The following ADAM29 variants were observed in gnomAD, a reference collection of about 807,000 sequenced individuals.
ADAM29 encodes the protein ADAM metallopeptidase domain 29.
For synonymous variants in ADAM29, 367 were observed against 342.3 expected, an observed-to-expected ratio of 1.07 and a Z score of -0.80; for missense variants, 969 against 1,001.8, an observed-to-expected ratio of 0.97 and a Z score of 0.44.
intron 4 of ADAM29, among the ~76,000 whole-genome samples, chr4:174,951,701 G>A (rs1745184497): frequency 6.6e-6 from 1 of 152,076 alleles, no homozygotes; most frequent in African/African-American, 2.4e-5. Context: ...ATTAGCTGAG[G>A]GGTTCTGAAA....
chr4:174,968,045 T>G (rs1746251108), intron 4 of ADAM29, among the ~76,000 whole-genome samples: 2 of 152,190 alleles, frequency 1.3e-5, no homozygotes, highest in Non-Finnish European at 2.9e-5. Context: ...TGTCAATTCC[T>G]CTATAAAACC....
Position 174,976,084 on chromosome 4 carries a change from C to G in ADAM29, c.559C>G (p.Gln187Glu). 6.2e-7 allele frequency: 1 copy of G among 1,610,926 alleles called. No homozygotes were observed. Among genetic ancestry groups the G allele is most frequent in the Admixed American group, 1.7e-5 (1 of 59,524 alleles). ...AGAAATTGATAATTCCACTCAGAAG[C>G]AAAGTTCTTATGTGGGCTGGTGGAT... is the stretch of plus-strand genomic sequence containing the variant. ...FEEIDNSTQKQSSYVGWWIHF... is the reference protein window; with the variant it reads ...FEEIDNSTQKESSYVGWWIHF... The change falls in exon 5 of 5, where the codon CAA becomes GAA. Residue 187 changes from glutamine (Q) to glutamate (E), a missense_variant. By Grantham distance (29) the Gln-to-Glu change is conservative. Transcript: ENST00000359240.
intron 4 of ADAM29, among the ~76,000 whole-genome samples, chr4:174,971,786 G>A (rs1746493360): frequency 6.6e-6 from 1 of 152,034 alleles, no homozygotes; most frequent in Admixed American, 6.6e-5. Flanking sequence ...CTTTAAATAG[G>A]CTTTCTGGCC....
chr4:174,976,207 A>G lies in ADAM29; in HGVS notation c.682A>G (p.Ile228Val), dbSNP rs1192390187. 1 of 1,606,440 alleles carries G rather than the reference A, an allele frequency of 6.2e-7. No homozygotes were observed. The highest frequency in any genetic ancestry group is 1.1e-5 in the South Asian group (1 of 89,288). Residue 228 changes from isoleucine (I) to valine (V), a missense_variant, in exon 5 of 5, where the codon ATT (isoleucine) becomes GTT (valine). Physicochemically the swap from Ile to Val is conservative, Grantham distance 29. Transcript: ENST00000359240. ...DSKLLEDLYVIVNIVDSILDV... is the reference protein window; with the variant it reads ...DSKLLEDLYVVVNIVDSILDV... ...AAAGTTGCTGGAGGATCTATATGTTATTGTTAATATAGTGGATTCCATTTT... is the reference window on the plus strand; with the variant it reads ...AAAGTTGCTGGAGGATCTATATGTTGTTGTTAATATAGTGGATTCCATTTT...
chr4:174,971,943 CTGAT>C (rs896101757), intron 4 of ADAM29, among the ~76,000 whole-genome samples: 12 of 152,148 alleles, frequency 7.9e-5, no homozygotes, highest in Admixed American at 6.6e-4. Flanking sequence ...TTCAAGTTCA[CTGAT>C]TGTTTCTTCT....
chr4:174,957,651 C>T (rs1485642972), intron 4 of ADAM29, among the ~76,000 whole-genome samples: 1 of 151,644 alleles, frequency 6.6e-6, no homozygotes, highest in Admixed American at 6.6e-5. Flanking sequence ...TTCAAGCAGC[C>T]AATTAATATT....
chr4:174,919,517 A>G (rs1399015960), intron 1 of ADAM29, among the ~76,000 whole-genome samples: 1 of 152,172 alleles, frequency 6.6e-6, no homozygotes, highest in Non-Finnish European at 1.5e-5. Context: ...TCAAGGCATT[A>G]GCCACGTTGC....
intron 1 of ADAM29, among the ~76,000 whole-genome samples, chr4:174,919,745 T>C (rs1010420746): frequency 2.3e-4 from 35 of 152,286 alleles, no homozygotes; most frequent in African/African-American, 7.9e-4. Flanking sequence ...ATAATGTCCC[T>C]TTTGAGTCAA....
At chr4:174,945,356 G>T (rs1205135942) in intron 4 of ADAM29, among the ~76,000 whole-genome samples, 1 of 151,934 alleles carries the variant, frequency 6.6e-6, no homozygotes, top group African/African-American at 2.4e-5. Flanking sequence ...GTTTTTACTT[G>T]CTAATCTGCT....
chr4:174,939,631 T>A (rs1744413736), intron 4 of ADAM29, among the ~76,000 whole-genome samples: 1 of 152,206 alleles, frequency 6.6e-6, no homozygotes, highest in African/African-American at 2.4e-5. Flanking sequence ...ATTTATAATA[T>A]TTCATTTTGA....
chr4:174,960,568 G>A (rs1163375861), intron 4 of ADAM29, among the ~76,000 whole-genome samples: 1 of 152,008 alleles, frequency 6.6e-6, no homozygotes, highest in Non-Finnish European at 1.5e-5. Flanking sequence ...GATGAGAAGG[G>A]ACCTAAGAAT....
At position 174,977,211 on chromosome 4, in the gene ADAM29, TC is replaced by T; in HGVS notation, c.1689del (p.Asn564IlefsTer2). 1 of 1,614,058 alleles carries T rather than the reference TC, an allele frequency of 6.2e-7. No homozygotes were observed. The highest frequency in any genetic ancestry group is 1.7e-4 in the Middle Eastern group (1 of 6,060). On this transcript the variant is annotated frameshift_variant, in exon 5 of 5. Transcript: ENST00000359240. LOFTEE classifies it low-confidence loss of function (END_TRUNC). ...RIQCENVTEI[P>X]NMSDHTTVHW... ...TTCAGTGTGAGAATGTGACAGAAAT[TC>T]CCAATATGAGTGATCATACTACTGT...
intron 4 of ADAM29, among the ~76,000 whole-genome samples, chr4:174,968,160 A>G (rs1234175355): frequency 6.6e-6 from 1 of 152,150 alleles, no homozygotes; most frequent in Non-Finnish European, 1.5e-5. Flanking sequence ...AATTTTGTTT[A>G]GCTTTTTCTT....
In ADAM29 at chr4:174,927,046, C is replaced by A. The variant is rs1032748943; in HGVS notation, c.-450-3940C>A. Among the ~76,000 whole-genome samples the A allele has an allele frequency of 2.6e-5, 4 of 151,906 alleles. No homozygotes were observed. The East Asian group carries it at 5.8e-4, about 22-fold the overall frequency. On this transcript the variant is annotated intron_variant, in intron 2 of 4. Coordinates refer to ENST00000359240, the MANE Select transcript of ADAM29 (RefSeq NM_014269.4). The stretch of plus-strand genomic sequence containing the variant: ...AGTATCATTAGTCATTAGTGAAATG[C>A]AAATTAAACTCAACTAGATACCACA...
intron 4 of ADAM29, among the ~76,000 whole-genome samples, chr4:174,960,285 G>A (rs1745734708): frequency 1.3e-5 from 2 of 151,702 alleles, no homozygotes; most frequent in Admixed American, 1.3e-4. Context: ...TCACTTTTTA[G>A]TATGAAATAT....
rs758075363 is a variant in ADAM29, at chr4:174,976,466, C to A, written c.941C>A (p.Ala314Glu). 6 of 1,610,426 alleles carry A rather than the reference C, an allele frequency of 3.7e-6. No homozygotes were observed. Among genetic ancestry groups the A allele is most frequent in the Non-Finnish European group, 5.1e-6 (6 of 1,178,340 alleles). Reference protein sequence around the residue: ...RGMCTPHRSCAIVTFMNKTLG... With the variant: ...RGMCTPHRSCEIVTFMNKTLG... Reference sequence around the variant, plus strand: ...ATGTGTACACCACACCGTAGTTGTGCAATTGTTACTTTCATGAACAAAACT... The same window carrying A: ...ATGTGTACACCACACCGTAGTTGTGAAATTGTTACTTTCATGAACAAAACT... Residue 314 changes from alanine to glutamate, a missense_variant, in exon 5 of 5, where the codon GCA becomes GAA. Ala to Glu is a moderately radical substitution (Grantham distance 107). Coordinates refer to ENST00000359240, the MANE Select transcript of ADAM29 (RefSeq NM_014269.4).
chr4:174,960,862 CCA>C (rs1745771964), intron 4 of ADAM29, among the ~76,000 whole-genome samples: 1 of 152,118 alleles, frequency 6.6e-6, no homozygotes, highest in South Asian at 2.1e-4. Flanking sequence ...CCCAAATAGA[CCA>C]GTTTTCCCTG....
intron 4 of ADAM29, among the ~76,000 whole-genome samples, chr4:174,952,762 C>T (rs1179509560): frequency 6.6e-6 from 1 of 152,092 alleles, no homozygotes; most frequent in Non-Finnish European, 1.5e-5. Flanking sequence ...AACTAAGGAG[C>T]AGTGTGCAAA....
At chr4:174,968,664 A>G (rs1746286584) in intron 4 of ADAM29, among the ~76,000 whole-genome samples, 1 of 152,118 alleles carries the variant, frequency 6.6e-6, no homozygotes, top group Non-Finnish European at 1.5e-5. Context: ...TAGGGAAATA[A>G]GTAGCATAAA....
Sources: allele counts gnomAD v4.1 joint callset (sites outside exome capture counted in the v4.1 genomes callset), GRCh38; gene constraint gnomAD v4.1.1; transcripts MANE v1.5; gene names NCBI Gene and HGNC (gene_info 2026-07-23, HGNC 2026-07-21).